RGS7: variants seen among roughly 807,000 people sequenced by gnomAD.
RGS7 encodes regulator of G-protein signaling 7.
In RGS7, 27 loss-of-function variants were observed where a neutral mutation model predicts 81.1. The observed-to-expected ratio is 0.33, with a 90% CI of 0.25 to 0.46. The LOEUF is 0.46. RGS7 is among the 20% of genes least tolerant of loss of function. The pLI is 1.00. For synonymous variants in RGS7, 208 were observed against 207.7 expected, an observed-to-expected ratio of 1.00 and a Z score of -0.01; for missense variants, 396 against 607.4, an observed-to-expected ratio of 0.65 and a Z score of 3.66.
chr1:241,179,992 C>T (rs539042564), intron 2 of RGS7, among the ~76,000 whole-genome samples: 11 of 152,008 alleles, frequency 7.2e-5, no homozygotes, highest in South Asian at 2.1e-4. Context: ...ATGAGAAAAA[C>T]GAAATGTTAT....
chr1:241,209,420 A>G (rs368969549), intron 2 of RGS7, among the ~76,000 whole-genome samples: 20 of 152,372 alleles, frequency 1.3e-4, no homozygotes, highest in African/African-American at 4.6e-4. Flanking sequence ...AATAAACATT[A>G]GTACAAATAA....
chr1:241,073,348 G>A lies in RGS7; in HGVS notation c.175+25318C>T, dbSNP rs554465418. Among the ~76,000 whole-genome samples the A allele has an allele frequency of 2.0e-4, 30 of 152,252 alleles. 2 individuals carry two copies. The highest frequency in any genetic ancestry group is 3.4e-3 in the Middle Eastern group (1 of 294). ...CTGTAATGATAAATTCCCAGCACAG[G>A]TGGGTGGAATATGCATCCTTCTTGT... On this transcript the variant is annotated intron_variant, in intron 3 of 18. Transcript: ENST00000440928.
intron 3 of RGS7, among the ~76,000 whole-genome samples, chr1:241,064,487 T>C (rs2061943888): frequency 6.9e-6 from 1 of 145,000 alleles, no homozygotes; most frequent in Admixed American, 6.9e-5. Flanking sequence ...ACACAGGAGG[T>C]TGAAGTGGGA....
intron 14 of RGS7, among the ~76,000 whole-genome samples, chr1:240,810,823 GAACTTTAGC>G (rs1558287745): frequency 6.6e-6 from 1 of 152,182 alleles, no homozygotes. Flanking sequence ...TCTCAATACA[GAACTTTAGC>G]AACTTTAGCA....
chr1:241,090,109 G>C (rs569290624), intron 3 of RGS7, among the ~76,000 whole-genome samples: 1 of 152,232 alleles, frequency 6.6e-6, no homozygotes, highest in African/African-American at 2.4e-5. Flanking sequence ...AATTGGACAG[G>C]TTTGCAATTT....
In RGS7 at chr1:240,946,546, G is replaced by T. The variant is rs566724827; in HGVS notation, c.227-9840C>A. 5.3e-5 allele frequency among the ~76,000 whole-genome samples: 8 copies of T among 152,186 alleles called. 1 individual carries two copies. In the South Asian group the frequency reaches 1.5e-3, roughly 28 times the overall value. On this transcript the variant is annotated intron_variant, in intron 4 of 18. Transcript: ENST00000440928. ...TGCTTGAGCCCAGGAATTTGAGGTT[G>T]CCATTAGCCATGATCATGCCACTGC...
intron 4 of RGS7, among the ~76,000 whole-genome samples, chr1:240,946,704 AGAAT>A (rs1678668103): frequency 6.6e-6 from 1 of 152,252 alleles, no homozygotes; most frequent in South Asian, 2.1e-4. Flanking sequence ...CTTTATTTCC[AGAAT>A]TCAAATAAAT....
intron 17 of RGS7, 37 bp downstream of exon 17, chr1:240,801,418 C>T (rs1052044820): frequency 3.6e-6 from 5 of 1,399,882 alleles, no homozygotes; most frequent in Admixed American, 3.5e-5. Context: ...TTTCATTGGA[C>T]TTAATGATTC....
At chr1:241,216,122 C>A (rs898770320) in intron 2 of RGS7, among the ~76,000 whole-genome samples, 1 of 150,862 alleles carries the variant, frequency 6.6e-6, no homozygotes, top group Non-Finnish European at 1.5e-5. Flanking sequence ...TATAAAAAAA[C>A]GTAGCCGGGC....
chr1:240,798,551 C>A (rs985308109), intron 18 of RGS7, among the ~76,000 whole-genome samples: 1 of 152,142 alleles, frequency 6.6e-6, no homozygotes, highest in African/African-American at 2.4e-5. Flanking sequence ...GGAAATAGCA[C>A]TGGGGAACAA....
At chr1:241,332,935 C>G (rs1330636286) in intron 2 of RGS7, among the ~76,000 whole-genome samples, 1 of 152,234 alleles carries the variant, frequency 6.6e-6, no homozygotes, top group East Asian at 1.9e-4. Context: ...TTTGTTTTCC[C>G]TGCCACCTGC....
chr1:240,890,719 C>T (rs2148142044), intron 6 of RGS7, among the ~76,000 whole-genome samples: 1 of 152,174 alleles, frequency 6.6e-6, no homozygotes, highest in Middle Eastern at 3.4e-3. Context: ...ATTGTTACTT[C>T]TATTTTTCAG....
At chr1:240,923,612 G>A (rs1009383615) in intron 6 of RGS7, among the ~76,000 whole-genome samples, 1 of 151,654 alleles carries the variant, frequency 6.6e-6, no homozygotes, top group Admixed American at 6.6e-5. Flanking sequence ...CAAAGGCTTG[G>A]AAAGTTCTTC....
intron 3 of RGS7, among the ~76,000 whole-genome samples, chr1:240,986,954 G>A (rs1298520668): frequency 1.3e-5 from 2 of 152,144 alleles, no homozygotes; most frequent in South Asian, 2.1e-4. Context: ...CCCATGCCAC[G>A]GATCTGAACG....
In RGS7 at chr1:241,164,436, C is replaced by T. The variant is rs2070010593; in HGVS notation, c.79-65674G>A. Among the ~76,000 whole-genome samples the T allele has an allele frequency of 6.6e-6, 1 of 152,122 alleles. No homozygotes were observed. Among genetic ancestry groups the T allele is most frequent in the Non-Finnish European group, 1.5e-5 (1 of 68,026 alleles). On this transcript the variant is annotated intron_variant, in intron 2 of 18. Transcript: ENST00000440928. The surrounding 1 kb of genome is among the most constrained non-coding windows in gnomAD (Gnocchi z 4.1). Reference sequence around the variant, plus strand: ...CATTGGTCTTTTCAGCGTCCGGTCCCCATCCTGAAGCCACCTAGGGACTGC... The same window carrying T: ...CATTGGTCTTTTCAGCGTCCGGTCCTCATCCTGAAGCCACCTAGGGACTGC...
In RGS7 at chr1:241,128,777, CAAAAA is replaced by C. The variant is rs71172680; in HGVS notation, c.79-30020_79-30016del. ...CTATTTGGACATGCAGAATAATAGGCAAAAAAAAAAAAAAAAAAAAAACTCTTCAG... is the reference window on the plus strand; with the variant it reads ...CTATTTGGACATGCAGAATAATAGGCAAAAAAAAAAAAAAAAACTCTTCAG... On this transcript the variant is annotated intron_variant, in intron 2 of 18. Coordinates refer to ENST00000440928, the MANE Select transcript of RGS7 (RefSeq NM_001364886.1). 5.9e-4 allele frequency among the ~76,000 whole-genome samples: 46 copies of C among 77,952 alleles called. 1 individual carries two copies. The highest frequency in any genetic ancestry group is 2.5e-3 in the East Asian group (6 of 2,420). The allele number at this position is 77,952 out of a possible 152,430, so 51.1% of individuals were successfully genotyped here.
At chr1:240,963,577 C>T (rs1293964859) in intron 4 of RGS7, among the ~76,000 whole-genome samples, 2 of 152,212 alleles carry the variant, frequency 1.3e-5, no homozygotes, top group South Asian at 2.1e-4. Flanking sequence ...GAGAAGTAAT[C>T]ATTGAATTTT....
At chr1:241,014,026 C>T (rs572598497) in intron 3 of RGS7, among the ~76,000 whole-genome samples, 372 of 152,324 alleles carry the variant, frequency 2.4e-3, no homozygotes, top group Non-Finnish European at 4.0e-3. Context: ...ACCTTACTAG[C>T]ATCAGGGCAT....
At chr1:240,805,546 C>T (rs1024881563) in intron 15 of RGS7, among the ~76,000 whole-genome samples, 24 of 152,038 alleles carry the variant, frequency 1.6e-4, no homozygotes, top group African/African-American at 5.1e-4. Context: ...TGAAAATTTG[C>T]CTTAGGAAGT....
Sources: allele counts gnomAD v4.1 joint callset (sites outside exome capture counted in the v4.1 genomes callset), GRCh38; gene constraint gnomAD v4.1.1; non-coding constraint Gnocchi (gnomAD v3.1); transcripts MANE v1.5; gene names NCBI Gene and HGNC (gene_info 2026-07-23, HGNC 2026-07-21).